The following CDH13 variants were observed in gnomAD, a reference collection of about 807,000 sequenced individuals.
CDH13 encodes the protein cadherin 13.
In CDH13, 24 loss-of-function variants were observed where a neutral mutation model predicts 63.8. The ratio of observed to expected loss-of-function variants is 0.38; its 90% CI spans 0.27 to 0.53. The LOEUF (loss-of-function observed/expected upper bound fraction) is 0.53, where lower values mean the gene tolerates loss of function less well. Ranked by LOEUF, CDH13 falls within the 20% of genes least tolerant of loss-of-function variation. CDH13 has a pLI of 0.85. For missense variants in CDH13, 1,049 were observed against 903.1 expected (o/e 1.16, Z -2.07); for synonymous variants, 503 against 355.3 (o/e 1.42, Z -4.67).
intron 6 of CDH13, among the ~76,000 whole-genome samples, chr16:83,407,548 T>C (rs2092066067): frequency 6.6e-6 from 1 of 152,224 alleles, no homozygotes; most frequent in Non-Finnish European, 1.5e-5. Context: ...CTAATACAAA[T>C]AAAATGTAGT....
chr16:83,326,209 G>A (rs1056437199), intron 5 of CDH13, among the ~76,000 whole-genome samples: 5 of 151,920 alleles, frequency 3.3e-5, no homozygotes, highest in African/African-American at 4.8e-5. Flanking sequence ...ATTTTTCGCC[G>A]GACAACAACA....
At chr16:83,043,490 AGTGTGT>A (rs67312035) in intron 3 of CDH13, among the ~76,000 whole-genome samples, 20,647 of 132,094 alleles carry the variant, frequency 0.16, 1,777 homozygotes, top group African/African-American at 0.23. Context: ...TGTATATATG[AGTGTGT>A]GTGTGTGTGT....
At chr16:83,341,271 G>GGAAGAAA (rs2090716272) in intron 5 of CDH13, among the ~76,000 whole-genome samples, 1 of 152,190 alleles carries the variant, frequency 6.6e-6, no homozygotes, top group Non-Finnish European at 1.5e-5. Context: ...AAAGAAGGCA[G>GGAAGAAA]GCAAGAACGT....
At chr16:83,156,164 G>A (rs766040202) in intron 4 of CDH13, among the ~76,000 whole-genome samples, 5 of 152,162 alleles carry the variant, frequency 3.3e-5, no homozygotes, top group South Asian at 2.1e-4. Context: ...TGAACATAGC[G>A]TGGTTATAAA....
intron 1 of CDH13, chr16:82,639,565 C>T: frequency 1.4e-6 from 1 of 725,460 alleles, no homozygotes; most frequent in Non-Finnish European, 2.4e-6. Context: ...GCAAGCTACT[C>T]TTTGTAATTC....
chr16:83,151,765 G>A (rs369228998), intron 4 of CDH13, among the ~76,000 whole-genome samples: 5 of 152,082 alleles, frequency 3.3e-5, no homozygotes, highest in Admixed American at 2.0e-4. Context: ...AGGAGTTCAC[G>A]GCCAGCCTGA....
At chr16:83,302,102 G>A (rs770546863) in intron 5 of CDH13, among the ~76,000 whole-genome samples, 36 of 152,146 alleles carry the variant, frequency 2.4e-4, no homozygotes, top group Non-Finnish European at 4.3e-4. Context: ...TGAGTACTAC[G>A]TGATGTAACA....
chr16:83,404,495 T>C (rs2092012671), intron 6 of CDH13, among the ~76,000 whole-genome samples: 1 of 152,226 alleles, frequency 6.6e-6, no homozygotes, highest in African/African-American at 2.4e-5. Flanking sequence ...TGCAAAATAC[T>C]TAGAGCCCAC....
At chr16:83,307,980 C>T (rs1169227738) in intron 5 of CDH13, among the ~76,000 whole-genome samples, 3 of 152,090 alleles carry the variant, frequency 2.0e-5, no homozygotes, top group Non-Finnish European at 2.9e-5. Context: ...AGCATGCCAC[C>T]TTCATAATTT....
At chr16:83,562,533 T>C (rs1475597038) in intron 7 of CDH13, among the ~76,000 whole-genome samples, 3 of 152,222 alleles carry the variant, frequency 2.0e-5, no homozygotes, top group Non-Finnish European at 4.4e-5. Context: ...CACACATAAA[T>C]CTGCATGAGT....
At chr16:83,071,446 C>G (rs1205855728) in intron 3 of CDH13, among the ~76,000 whole-genome samples, 2 of 152,146 alleles carry the variant, frequency 1.3e-5, no homozygotes, top group East Asian at 1.9e-4. Context: ...GTAGCTCTTC[C>G]CTGAGAGCTC....
intron 7 of CDH13, among the ~76,000 whole-genome samples, chr16:83,497,979 A>T (rs2074187722): frequency 6.6e-6 from 1 of 152,230 alleles, no homozygotes; most frequent in Admixed American, 6.5e-5. Context: ...TTCTCCCACC[A>T]TTAAGAAACA....
chr16:82,904,482 G>C (rs1200429877), intron 2 of CDH13, among the ~76,000 whole-genome samples: 1 of 152,158 alleles, frequency 6.6e-6, no homozygotes, highest in East Asian at 1.9e-4. Flanking sequence ...ACCCTTTGTG[G>C]CAAATTGAGA....
intron 4 of CDH13, among the ~76,000 whole-genome samples, chr16:83,207,008 A>T (rs4575520): frequency 0.86 from 131,056 of 152,306 alleles, 58,405 homozygotes; most frequent in East Asian, 0.97. Flanking sequence ...AAGCAACATA[A>T]AAGCAAGGAC....
At chr16:82,650,175 GC>G (rs1910562705) in intron 1 of CDH13, among the ~76,000 whole-genome samples, 1 of 152,180 alleles carries the variant, frequency 6.6e-6, no homozygotes, top group Non-Finnish European at 1.5e-5. Context: ...AGGATGCATG[GC>G]TTTGTTAGTG....
chr16:83,570,969 AT>A, intron 7 of CDH13, among the ~76,000 whole-genome samples: 1 of 132,946 alleles, frequency 7.5e-6, no homozygotes, highest in Non-Finnish European at 1.6e-5. Context: ...ATATATATAT[AT>A]AAAAACCTTC....
intron 13 of CDH13, among the ~76,000 whole-genome samples, chr16:83,785,675 T>C (rs1207205414): frequency 2.6e-5 from 4 of 152,200 alleles, no homozygotes; most frequent in Admixed American, 6.5e-5. Flanking sequence ...CAAGTCACTC[T>C]TGCATAGTAT....
intron 2 of CDH13, among the ~76,000 whole-genome samples, chr16:82,971,413 A>T (rs1023939582): frequency 6.6e-6 from 1 of 152,254 alleles, no homozygotes; most frequent in African/African-American, 2.4e-5. Flanking sequence ...TTCCTAGGAC[A>T]GCAAAGCATA....
At chr16:82,819,868 T>G (rs1381347790) in intron 1 of CDH13, among the ~76,000 whole-genome samples, 5 of 152,126 alleles carry the variant, frequency 3.3e-5, no homozygotes, top group Non-Finnish European at 5.9e-5. Context: ...TCACATAGTA[T>G]TTTAGAAGGT....
Sources: allele counts gnomAD v4.1 joint callset (sites outside exome capture counted in the v4.1 genomes callset), GRCh38; gene constraint gnomAD v4.1.1; transcripts MANE v1.5; gene names NCBI Gene and HGNC (gene_info 2026-07-23, HGNC 2026-07-21).